Variants in GABRB2 observed in about 807,000 individuals in gnomAD.
GABRB2 encodes the protein gamma-aminobutyric acid receptor subunit beta-2.
In GABRB2, 16 loss-of-function variants were observed where a neutral mutation model predicts 54.7. That is an observed-to-expected ratio of 0.29 (90% CI 0.20 to 0.44). GABRB2 has a LOEUF of 0.44. Ranked by LOEUF, GABRB2 falls within the 20% of genes least tolerant of loss-of-function variation. GABRB2 has a pLI of 1.00. For synonymous variants in GABRB2, 244 were observed against 233.8 expected, an observed-to-expected ratio of 1.04 and a Z score of -0.40; for missense variants, 355 against 644.0, an observed-to-expected ratio of 0.55 and a Z score of 4.86.
chr5:161,527,514 T>C (rs189649719), intron 3 of GABRB2, among the ~76,000 whole-genome samples: 17 of 151,594 alleles, frequency 1.1e-4, no homozygotes, highest in Non-Finnish European at 2.2e-4. Context: ...ATAAAAACCT[T>C]CTGGACAATC....
chr5:161,320,418 A>G (rs1419268351), intron 9 of GABRB2, among the ~76,000 whole-genome samples: 2 of 151,826 alleles, frequency 1.3e-5, no homozygotes, highest in African/African-American at 4.8e-5. Context: ...TAAAATTTAT[A>G]ATTATACCAC....
chr5:161,522,917 C>A (rs1487859007), intron 3 of GABRB2, among the ~76,000 whole-genome samples: 1 of 151,176 alleles, frequency 6.6e-6, no homozygotes, highest in Admixed American at 6.6e-5. Flanking sequence ...GGTTTTGTGA[C>A]ATCATGTAAA....
intron 3 of GABRB2, among the ~76,000 whole-genome samples, chr5:161,525,088 A>G (rs2113440578): frequency 6.6e-6 from 1 of 151,462 alleles, no homozygotes; most frequent in Middle Eastern, 3.4e-3. Context: ...TGCAAGCCAT[A>G]TAGTCTCTCT....
chr5:161,495,789 T>C (rs1759221838), intron 3 of GABRB2, among the ~76,000 whole-genome samples: 1 of 152,062 alleles, frequency 6.6e-6, no homozygotes, highest in Non-Finnish European at 1.5e-5. Flanking sequence ...CCTCATGAGG[T>C]GGCAGCACAC....
chr5:161,345,396 C>T (rs984675572), intron 5 of GABRB2, among the ~76,000 whole-genome samples: 1 of 152,014 alleles, frequency 6.6e-6, no homozygotes, highest in Non-Finnish European at 1.5e-5. Flanking sequence ...CACTTCAATT[C>T]AACTTCAATG....
chr5:161,513,056 G>GAAAAAAAA (rs755660749), intron 3 of GABRB2, among the ~76,000 whole-genome samples: 6 of 135,926 alleles, frequency 4.4e-5, no homozygotes, highest in African/African-American at 1.6e-4. Context: ...AAAGAAAAAA[G>GAAAAAAAA]AAAAAAAAAA....
intron 3 of GABRB2, among the ~76,000 whole-genome samples, chr5:161,482,021 C>T (rs978653543): frequency 2.0e-5 from 3 of 151,974 alleles, no homozygotes; most frequent in African/African-American, 4.8e-5. Context: ...TGTCATTTTG[C>T]CTGAGACCAC....
chr5:161,538,651 C>T (rs1036946042), intron 3 of GABRB2, among the ~76,000 whole-genome samples: 14 of 152,056 alleles, frequency 9.2e-5, no homozygotes, highest in African/African-American at 3.1e-4. Context: ...TGGTGAAACC[C>T]CATCTCTATT....
Position 161,504,173 on chromosome 5 carries a change from A to C in GABRB2, c.237+41054T>G, listed in dbSNP as rs1184803123. Among the ~76,000 whole-genome samples the C allele has an allele frequency of 2.0e-5, 3 of 152,222 alleles. No homozygotes were observed. In the East Asian group the frequency reaches 5.8e-4, roughly 29 times the overall value. On this transcript the variant is annotated intron_variant, in intron 3 of 9. Transcript: ENST00000393959. ...TAGACCAAAAAAAATCAAGAAGGAT[A>C]TTGAAGATGTGAATAAATCTACAAG...
At chr5:161,483,879 G>A (rs1436392168) in intron 3 of GABRB2, among the ~76,000 whole-genome samples, 1 of 151,538 alleles carries the variant, frequency 6.6e-6, no homozygotes, top group Non-Finnish European at 1.5e-5. Flanking sequence ...ATTCTGCTTG[G>A]ATACTTCCAG....
intron 5 of GABRB2, among the ~76,000 whole-genome samples, chr5:161,337,862 AC>A (rs1388135553): frequency 6.6e-6 from 1 of 152,160 alleles, no homozygotes; most frequent in African/African-American, 2.4e-5. Context: ...TTTTCAAAGA[AC>A]TTTTGCATCT....
chr5:161,375,609 C>A (rs1561627768), intron 5 of GABRB2, among the ~76,000 whole-genome samples: 2 of 152,094 alleles, frequency 1.3e-5, no homozygotes, highest in African/African-American at 2.4e-5. Context: ...AAGAACGAGG[C>A]TTTTGGAGTC....
chr5:161,378,845 A>G (rs1755383442), intron 5 of GABRB2, among the ~76,000 whole-genome samples: 1 of 152,204 alleles, frequency 6.6e-6, no homozygotes, highest in African/African-American at 2.4e-5. Flanking sequence ...TTAAAATGGA[A>G]TCAGTTCCAG....
chr5:161,343,369 AT>A (rs898705730), intron 5 of GABRB2, among the ~76,000 whole-genome samples: 5 of 150,936 alleles, frequency 3.3e-5, no homozygotes, highest in South Asian at 2.1e-4. Flanking sequence ...GAGATGACCT[AT>A]TTTTTTTTGT....
intron 3 of GABRB2, among the ~76,000 whole-genome samples, chr5:161,505,817 T>C (rs1345481756): frequency 6.6e-6 from 1 of 152,108 alleles, no homozygotes; most frequent in Non-Finnish European, 1.5e-5. Flanking sequence ...AGAACATCTA[T>C]AAAAACTTTG....
intron 8 of GABRB2, chr5:161,327,041 GAC>G (rs150178203): frequency 0.025 from 12,468 of 493,740 alleles, 19 homozygotes; most frequent in South Asian, 0.032. Flanking sequence ...ATTCCATTAG[GAC>G]ACACACACAC....
chr5:161,400,996 C>G (rs17059414), intron 5 of GABRB2, among the ~76,000 whole-genome samples: 9,352 of 152,034 alleles, frequency 0.062, 726 homozygotes, highest in East Asian at 0.17. Context: ...AAAGACTTCC[C>G]CTCAATCTCT....
chr5:161,539,209 A>C (rs1185378779), intron 3 of GABRB2, among the ~76,000 whole-genome samples: 1 of 152,192 alleles, frequency 6.6e-6, no homozygotes, highest in Non-Finnish European at 1.5e-5. Context: ...TGAATCTTAA[A>C]ATGCACTTTT....
intron 3 of GABRB2, among the ~76,000 whole-genome samples, chr5:161,500,780 C>A (rs1759408882): frequency 6.6e-6 from 1 of 152,078 alleles, no homozygotes; most frequent in African/African-American, 2.4e-5. Context: ...GTCAAAATTT[C>A]CCCCAAATGT....
Sources: allele counts gnomAD v4.1 joint callset (sites outside exome capture counted in the v4.1 genomes callset), GRCh38; gene constraint gnomAD v4.1.1; transcripts MANE v1.5; gene names NCBI Gene and HGNC (gene_info 2026-07-23, HGNC 2026-07-21).